The following NXPH1 variants were observed in gnomAD, a reference collection of about 807,000 sequenced individuals.
NXPH1 encodes the protein neurexophilin 1.
In NXPH1, 5 loss-of-function variants were observed where a neutral mutation model predicts 23.7. That is an observed-to-expected ratio of 0.21 (90% CI 0.11 to 0.44). The LOEUF (loss-of-function observed/expected upper bound fraction) is 0.44. NXPH1 is among the 20% of genes least tolerant of loss of function. The pLI is 0.99. For missense variants in NXPH1, 324 were observed against 321.6 expected (o/e 1.01, Z -0.06); for synonymous variants, 144 against 122.2 (o/e 1.18, Z -1.18).
chr7:8,750,545 A>G (rs965125723), intron 2 of NXPH1, among the ~76,000 whole-genome samples: 2 of 152,200 alleles, frequency 1.3e-5, no homozygotes, highest in African/African-American at 4.8e-5. Context: ...TGAAATAGAA[A>G]AAGAACATAA....
At position 8,751,125 on chromosome 7, in the gene NXPH1, C is replaced by T. The variant is rs1181615953; in HGVS notation, c.172C>T (p.Leu58Phe). The change falls in exon 3 of 3, where the codon CTC becomes TTC. Residue 58 changes from leucine to phenylalanine, a missense_variant. Leu to Phe is a conservative substitution (Grantham distance 22). Transcript: ENST00000405863. The surrounding 1 kb of genome is among the most constrained non-coding windows in gnomAD (Gnocchi z 4.5). ...ESSKDLSISR[L>F]LSQTFRGKEN... The stretch of plus-strand genomic sequence containing the variant: ...CAGCAAAGACTTGTCTATCAGCCGA[C>T]TCCTGTCACAGACTTTTCGTGGCAA... 3.7e-6 allele frequency: 6 copies of T among 1,613,722 alleles called. No individual in the cohort carries two copies. Among genetic ancestry groups the T allele is most frequent in the Non-Finnish European group, 5.1e-6 (6 of 1,179,798 alleles).
intron 2 of NXPH1, among the ~76,000 whole-genome samples, chr7:8,477,608 C>G (rs146573372): frequency 4.6e-5 from 7 of 152,070 alleles, no homozygotes; most frequent in Non-Finnish European, 1.0e-4. Flanking sequence ...CGCCTCTTAA[C>G]GTAATTCTAG....
At chr7:8,694,010 G>A (rs976845810) in intron 2 of NXPH1, among the ~76,000 whole-genome samples, 12 of 152,198 alleles carry the variant, frequency 7.9e-5, no homozygotes. Flanking sequence ...AAAGAGTCAT[G>A]TCAGGATGAC....
chr7:8,563,632 T>C (rs1251349734), intron 2 of NXPH1, among the ~76,000 whole-genome samples: 1 of 151,768 alleles, frequency 6.6e-6, no homozygotes, highest in Non-Finnish European at 1.5e-5. Context: ...GAAAGGATTT[T>C]AGGAGAAGTC....
chr7:8,577,797 C>T (rs377192345), intron 2 of NXPH1, among the ~76,000 whole-genome samples: 4 of 152,146 alleles, frequency 2.6e-5, no homozygotes, highest in South Asian at 2.1e-4. Context: ...TTTCAAAGGG[C>T]ATTGGGTCTT....
At chr7:8,681,234 C>G (rs1046337802) in intron 2 of NXPH1, among the ~76,000 whole-genome samples, 6 of 152,168 alleles carry the variant, frequency 3.9e-5, no homozygotes, top group African/African-American at 1.2e-4. Context: ...GACCTTTCTA[C>G]CATATCACAC....
intron 2 of NXPH1, among the ~76,000 whole-genome samples, chr7:8,608,560 G>T (rs1819551213): frequency 6.6e-6 from 1 of 152,056 alleles, no homozygotes; most frequent in South Asian, 2.1e-4. Context: ...GGAGTGAGAA[G>T]AGAGACAAGT....
At chr7:8,596,004 A>G (rs1484381493) in intron 2 of NXPH1, among the ~76,000 whole-genome samples, 3 of 152,092 alleles carry the variant, frequency 2.0e-5, no homozygotes, top group African/African-American at 4.8e-5. Context: ...TCCCTTTAAA[A>G]AATTTAGCAT....
intron 2 of NXPH1, among the ~76,000 whole-genome samples, chr7:8,587,354 T>A (rs987704824): frequency 2.6e-5 from 4 of 151,634 alleles, no homozygotes; most frequent in Non-Finnish European, 4.4e-5. Context: ...CAGGCTGGAG[T>A]GCAGTGGCTA....
chr7:8,479,940 G>T (rs918843453), intron 2 of NXPH1, among the ~76,000 whole-genome samples: 3 of 152,048 alleles, frequency 2.0e-5, no homozygotes, highest in Non-Finnish European at 4.4e-5. Flanking sequence ...TAAATAGAGG[G>T]AAAGAATGTA....
At chr7:8,616,623 A>G (rs914606287) in intron 2 of NXPH1, among the ~76,000 whole-genome samples, 5 of 152,038 alleles carry the variant, frequency 3.3e-5, no homozygotes, top group Admixed American at 3.3e-4. Context: ...AGAGCGAAGC[A>G]TATGTAAGGG....
chr7:8,468,535 G>T (rs1816820552), intron 2 of NXPH1, among the ~76,000 whole-genome samples: 2 of 152,030 alleles, frequency 1.3e-5, no homozygotes, highest in Admixed American at 1.3e-4. Flanking sequence ...TGTAATCAAA[G>T]ATAATATCCC....
At chr7:8,556,445 T>G (rs1159254395) in intron 2 of NXPH1, among the ~76,000 whole-genome samples, 1 of 151,712 alleles carries the variant, frequency 6.6e-6, no homozygotes, top group Non-Finnish European at 1.5e-5. Flanking sequence ...GGAGTTCAGC[T>G]GCAAGTGTTG....
chr7:8,544,508 T>A (rs545126664), intron 2 of NXPH1, among the ~76,000 whole-genome samples: 432 of 151,764 alleles, frequency 2.8e-3, no homozygotes, highest in African/African-American at 9.9e-3. Flanking sequence ...TGCTTGGCAT[T>A]TGAAATGATC....
chr7:8,525,307 G>A (rs1345041698), intron 2 of NXPH1, among the ~76,000 whole-genome samples: 4 of 152,194 alleles, frequency 2.6e-5, no homozygotes, highest in African/African-American at 9.7e-5. Context: ...AAATTTCTAA[G>A]CAGCAAAGCA....
In NXPH1 at chr7:8,461,923, C is replaced by T. The variant is rs1022306003; in HGVS notation, c.54+26156C>T. ...ACCATTTAACACAAATGGAGTCATA[C>T]TCCACAAGCTACTTGGGGTTTATAT... On this transcript the variant is annotated intron_variant, in intron 2 of 2. Transcript: ENST00000405863. Among the ~76,000 whole-genome samples the T allele has an allele frequency of 2.0e-5, 3 of 151,688 alleles. No homozygotes were observed. The South Asian group carries it at 6.2e-4, about 31-fold the overall frequency.
chr7:8,475,657 T>C (rs928520100), intron 2 of NXPH1, among the ~76,000 whole-genome samples: 1 of 152,166 alleles, frequency 6.6e-6, no homozygotes, highest in Non-Finnish European at 1.5e-5. Flanking sequence ...TCTTCTTTGG[T>C]GGGAAGCTCT....
At chr7:8,650,649 T>C (rs189688909) in intron 2 of NXPH1, among the ~76,000 whole-genome samples, 1 of 152,356 alleles carries the variant, frequency 6.6e-6, no homozygotes, top group Non-Finnish European at 1.5e-5. Flanking sequence ...ATGACAATCA[T>C]GTGGCCTCTT....
intron 2 of NXPH1, among the ~76,000 whole-genome samples, chr7:8,550,852 A>C (rs773240881): frequency 6.6e-6 from 1 of 151,554 alleles, no homozygotes; most frequent in African/African-American, 2.4e-5. Context: ...ATAATAACCA[A>C]CTGCACATTG....
Sources: gnomAD v4.1 joint callset for allele counts (sites outside exome capture counted in the v4.1 genomes callset) on GRCh38, gnomAD v4.1.1 for gene constraint, Gnocchi (gnomAD v3.1) non-coding constraint, MANE v1.5 for transcripts, NCBI Gene and HGNC (gene_info 2026-07-23, HGNC 2026-07-21) for gene names.